Variants in MALRD1 observed in about 807,000 individuals in gnomAD.
The protein encoded by MALRD1 is MAM and LDL-receptor class A domain-containing protein 1.
Under a neutral mutation model 242.1 loss-of-function variants are expected in MALRD1, and 247 were observed. The observed-to-expected ratio is 1.02, with a 90% CI of 0.92 to 1.13. The LOEUF (loss-of-function observed/expected upper bound fraction) is 1.13. Ranked by LOEUF, MALRD1 falls within the 50% of genes most tolerant of loss-of-function variation. The pLI, the probability that MALRD1 is intolerant of heterozygous loss-of-function variation, is 0.00. For missense variants in MALRD1, 2,989 were observed against 2,533.1 expected (o/e 1.18, Z -3.86); for synonymous variants, 995 against 866.6 (o/e 1.15, Z -2.60).
chr10:19,296,011 A>G (rs1327548479), intron 21 of MALRD1, among the ~76,000 whole-genome samples: 1 of 152,028 alleles, frequency 6.6e-6, no homozygotes, highest in Non-Finnish European at 1.5e-5. Flanking sequence ...ACTTGGAGGC[A>G]GTGTTGAAAC....
intron 18 of MALRD1, among the ~76,000 whole-genome samples, chr10:19,219,572 G>A (rs77665543): frequency 0.071 from 10,783 of 151,978 alleles, 467 homozygotes; most frequent in African/African-American, 0.11. Flanking sequence ...AAGTAGCTGC[G>A]CCTATAGGCG....
At chr10:19,209,100 A>C (rs1176929245) in intron 17 of MALRD1, among the ~76,000 whole-genome samples, 168 bp from the exon 18 acceptor site, 1 of 152,256 alleles carries the variant, frequency 6.6e-6, no homozygotes, top group Middle Eastern at 3.4e-3. Context: ...AGAAACAAAA[A>C]CTCTTTTTTT....
chr10:19,204,641 T>C (rs1836708575), intron 16 of MALRD1, among the ~76,000 whole-genome samples: 1 of 152,170 alleles, frequency 6.6e-6, no homozygotes, highest in Admixed American at 6.5e-5. Context: ...CAACCATGGA[T>C]TATAATTTAA....
intron 33 of MALRD1, among the ~76,000 whole-genome samples, chr10:19,568,097 C>T (rs2131464063): frequency 1.3e-5 from 2 of 152,204 alleles, no homozygotes; most frequent in East Asian, 3.9e-4. Flanking sequence ...AGGCCACGTT[C>T]CTTCTCCTAA....
intron 26 of MALRD1, among the ~76,000 whole-genome samples, chr10:19,355,415 ATTAATATAAT>A (rs1301536380): frequency 6.6e-6 from 1 of 151,962 alleles, no homozygotes; most frequent in Admixed American, 6.6e-5. Flanking sequence ...TATATTAAAC[ATTAATATAAT>A]TTATTACATT....
chr10:19,585,593 CT>C (rs1837350412), intron 33 of MALRD1, among the ~76,000 whole-genome samples: 2 of 152,090 alleles, frequency 1.3e-5, no homozygotes, highest in Non-Finnish European at 2.9e-5. Flanking sequence ...GCTGAGAGAT[CT>C]GCTGTTATTC....
At chr10:19,502,593 A>G (rs1838024741) in intron 31 of MALRD1, among the ~76,000 whole-genome samples, 1 of 152,214 alleles carries the variant, frequency 6.6e-6, no homozygotes, top group Non-Finnish European at 1.5e-5. Context: ...TTACTTCTAT[A>G]ATTCCCAAAG....
At chr10:19,644,792 A>G (rs932779543) in intron 36 of MALRD1, among the ~76,000 whole-genome samples, 1 of 152,208 alleles carries the variant, frequency 6.6e-6, no homozygotes, top group Non-Finnish European at 1.5e-5. Context: ...TCCTAAAGTC[A>G]TGCAGCTAAC....
intron 32 of MALRD1, among the ~76,000 whole-genome samples, chr10:19,545,542 A>G (rs528875935): frequency 3.9e-5 from 6 of 152,264 alleles, no homozygotes; most frequent in African/African-American, 1.2e-4. Flanking sequence ...CCTACCTTTT[A>G]GAAGACTGAT....
intron 18 of MALRD1, among the ~76,000 whole-genome samples, chr10:19,212,835 A>C (rs1220057275): frequency 1.3e-5 from 2 of 152,166 alleles, no homozygotes; most frequent in East Asian, 3.9e-4. Context: ...CATTGCCCTA[A>C]GCATTAATTA....
intron 38 of MALRD1, among the ~76,000 whole-genome samples, chr10:19,705,392 G>A (rs1235546225): frequency 1.3e-5 from 2 of 152,138 alleles, no homozygotes; most frequent in East Asian, 1.9e-4. Flanking sequence ...CACAGTGACC[G>A]AGGTCATCTC....
At chr10:19,053,469 T>A (rs1834568802) in intron 1 of MALRD1, among the ~76,000 whole-genome samples, 1 of 152,162 alleles carries the variant, frequency 6.6e-6, no homozygotes, top group South Asian at 2.1e-4. Flanking sequence ...GGACAGCAGA[T>A]CCCCGAAATT....
At chr10:19,231,252 T>C (rs1838054125) in intron 18 of MALRD1, among the ~76,000 whole-genome samples, 1 of 152,200 alleles carries the variant, frequency 6.6e-6, no homozygotes, top group Non-Finnish European at 1.5e-5. Flanking sequence ...AGCTGAGGTA[T>C]TTGTTGTGAC....
At chr10:19,574,041 G>A (rs2131482851) in intron 33 of MALRD1, among the ~76,000 whole-genome samples, 1 of 152,220 alleles carries the variant, frequency 6.6e-6, no homozygotes, top group South Asian at 2.1e-4. Flanking sequence ...TAAGTTATTG[G>A]CAAATAGCAA....
intron 28 of MALRD1, among the ~76,000 whole-genome samples, chr10:19,404,975 A>G (rs1847026795): frequency 6.6e-6 from 1 of 152,162 alleles, no homozygotes; most frequent in African/African-American, 2.4e-5. Context: ...ATCCATGAAA[A>G]TGCATGTCCT....
chr10:19,653,203 T>C (rs1223297011), intron 36 of MALRD1, among the ~76,000 whole-genome samples: 2 of 150,326 alleles, frequency 1.3e-5, no homozygotes, highest in East Asian at 3.9e-4. Flanking sequence ...TTTATTATTA[T>C]TATTTTTTTT....
intron 12 of MALRD1, among the ~76,000 whole-genome samples, chr10:19,164,724 T>C (rs898842835): frequency 1.3e-5 from 2 of 152,196 alleles, no homozygotes; most frequent in African/African-American, 4.8e-5. Flanking sequence ...TAAATATTGG[T>C]TGAATCAATA....
intron 18 of MALRD1, among the ~76,000 whole-genome samples, chr10:19,219,804 G>C (rs1837482192): frequency 1.3e-5 from 1 of 76,836 alleles, no homozygotes; most frequent in Non-Finnish European, 3.0e-5. Context: ...ATCTGAGAAA[G>C]AGATAGTGCC....
At chr10:19,676,712 G>A (rs1384551717) in intron 36 of MALRD1, among the ~76,000 whole-genome samples, 5 of 152,122 alleles carry the variant, frequency 3.3e-5, no homozygotes, top group Non-Finnish European at 1.5e-5. Context: ...TGCAGGATAT[G>A]CAGGTTTGTT....
Sources: allele counts gnomAD v4.1 joint callset (sites outside exome capture counted in the v4.1 genomes callset), GRCh38; gene constraint gnomAD v4.1.1; transcripts MANE v1.5; gene names NCBI Gene and HGNC (gene_info 2026-07-23, HGNC 2026-07-21).